Variants in MYO1A observed in about 807,000 individuals in gnomAD.
MYO1A encodes the protein myosin IA.
In MYO1A, 127 loss-of-function variants were observed where a neutral mutation model predicts 138.5. That is an observed-to-expected ratio of 0.92 (90% CI 0.79 to 1.06). The LOEUF is 1.06. Among genes scored for constraint, MYO1A ranks in the 50% least tolerant of loss-of-function variants. The pLI is 0.00. For synonymous variants in MYO1A, 477 were observed against 497.5 expected (o/e 0.96, Z 0.55); for missense variants, 1,211 against 1,288.8 (o/e 0.94, Z 0.92).
In MYO1A at chr12:57,041,257, T is replaced by TA. The variant is rs768149697; in HGVS notation, c.1195dup (p.Tyr399LeufsTer4). 7 of 1,614,022 alleles carry TA rather than the reference T, an allele frequency of 4.3e-6. No individual in the cohort carries two copies. The highest frequency in any genetic ancestry group is 1.3e-5 in the African/African-American group (1 of 74,928). On this transcript the variant is annotated frameshift_variant, in exon 14 of 28. Coordinates refer to ENST00000300119, the MANE Select transcript of MYO1A (RefSeq NM_005379.4). LOFTEE classifies it high-confidence loss of function. ...CACCTGCTGCAGCTTCTCATTGCAG[T>TA]AGTTGATCACAAATTGCTCAAAGCT...
intron 1 of MYO1A, among the ~76,000 whole-genome samples, chr12:57,048,563 A>G (rs1038890418): frequency 2.0e-5 from 3 of 152,120 alleles, no homozygotes; most frequent in Admixed American, 2.0e-4. Context: ...TGCCTGGGTT[A>G]CAGTTGGTGG....
At chr12:57,046,308 G>A (rs1413202622) in intron 8 of MYO1A, among the ~76,000 whole-genome samples, 1 of 152,138 alleles carries the variant, frequency 6.6e-6, no homozygotes, top group Non-Finnish European at 1.5e-5. Context: ...ACAGTGAAGA[G>A]GCAAGAAGGC....
At chr12:57,036,670 C>A in intron 21 of MYO1A, 102 bp downstream of exon 21, 2 of 1,389,910 alleles carry the variant, frequency 1.4e-6, no homozygotes, top group Admixed American at 1.7e-5. Flanking sequence ...CACAGAGGTG[C>A]GGCCTGGGTG....
chr12:57,028,894 C>G lies in MYO1A; in HGVS notation c.3006-13G>C, dbSNP rs961685802. 1.7e-5 allele frequency: 27 copies of G among 1,613,760 alleles called. No homozygotes were observed. Among genetic ancestry groups the G allele is most frequent in the Non-Finnish European group, 2.1e-5 (25 of 1,179,842 alleles). On this transcript the variant is annotated splice_polypyrimidine_tract_variant and intron_variant, in intron 27 of 27. Coordinates refer to ENST00000300119, the MANE Select transcript of MYO1A (RefSeq NM_005379.4). ...CCTCACTGAGAACCTGGAGAGGGAA[C>G]AGAAAACCAAGTCTAGTGCCCATCC...
At chr12:57,039,140 G>A (rs1592477088) in intron 15 of MYO1A, 72 bp downstream of exon 15, 2 of 1,570,510 alleles carry the variant, frequency 1.3e-6, no homozygotes, top group East Asian at 4.5e-5. Context: ...GGGAATCAGG[G>A]AGAGAGACAG....
chr12:57,030,363 A>C, intron 23 of MYO1A, 47 bp from the exon 24 acceptor site: 5 of 644,758 alleles, frequency 7.8e-6, no homozygotes, highest in Non-Finnish European at 1.1e-5. Context: ...GTGGGAGGGC[A>C]GGGCTGGGGA....
intron 5 of MYO1A, 94 bp from the exon 6 acceptor site, chr12:57,047,201 G>T: frequency 6.3e-7 from 1 of 1,583,320 alleles, no homozygotes; most frequent in South Asian, 1.1e-5. Flanking sequence ...TTTCTGGGTC[G>T]AACAAGAGAG....
At position 57,039,235 on chromosome 12, in the gene MYO1A, T is replaced by C. The variant is rs2030745836; in HGVS notation, c.1309A>G (p.Ile437Val). The C allele has an allele frequency of 6.2e-7, 1 of 1,613,998 alleles. No homozygotes were observed. Residue 437 changes from isoleucine to valine, a missense_variant, in exon 15 of 28, where the codon ATC (isoleucine) becomes GTC (valine). Ile to Val is a conservative substitution (Grantham distance 29, BLOSUM62 3). Transcript: ENST00000300119. Reference protein sequence around the residue: ...WTKVDYFDNGIICKLIEHNQR... With the variant: ...WTKVDYFDNGVICKLIEHNQR... ...ACATGCTCAATGAGCTTACAAATGA[T>C]GCCATTATCAAAGTAGTCCACCTTT...
intron 23 of MYO1A, among the ~76,000 whole-genome samples, chr12:57,030,624 A>G (rs2030232180): frequency 6.6e-6 from 1 of 152,186 alleles, no homozygotes; most frequent in African/African-American, 2.4e-5. Flanking sequence ...TAAAAGAACA[A>G]ATTACTTTAT....
rs2030644006 is a variant in MYO1A at position 57,037,921 on chromosome 12, T to C, written c.1909A>G (p.Arg637Gly). ...GTGCTCCGGCTCAGCAATCGGTACCTTTCCAGGAAGGGCCCATAACCCTGG... is the reference window on the plus strand; with the variant it reads ...GTGCTCCGGCTCAGCAATCGGTACCCTTCCAGGAAGGGCCCATAACCCTGG... ...HRQGYGPFLE[R>G]YRLLSRSTWP... The change falls in exon 18 of 28, where the codon AGG becomes GGG. Residue 637 changes from arginine (R) to glycine (G), a missense_variant. By Grantham distance (125) the Arg-to-Gly change is moderately radical (BLOSUM62 -2). Transcript: ENST00000300119. 12 of 1,614,142 alleles carry C rather than the reference T, an allele frequency of 7.4e-6. No homozygotes were observed. Among genetic ancestry groups the C allele is most frequent in the Middle Eastern group, 1.6e-4 (1 of 6,062 alleles).
intron 17 of MYO1A, 39 bp from the exon 18 acceptor site, chr12:57,038,108 GA>G: frequency 1.2e-6 from 2 of 1,602,476 alleles, no homozygotes; most frequent in Middle Eastern, 1.7e-4. Flanking sequence ...TTCAGGAGCT[GA>G]CATCATTGCC....
intron 16 of MYO1A, 33 bp from the exon 17 acceptor site, chr12:57,038,671 C>T (rs778204742): frequency 1.5e-5 from 24 of 1,612,102 alleles, no homozygotes; most frequent in Admixed American, 6.7e-5. Flanking sequence ...TTGGAGACCC[C>T]ACAACCTTGT....
intron 22 of MYO1A, among the ~76,000 whole-genome samples, chr12:57,034,293 G>A (rs756203449): frequency 1.3e-5 from 2 of 152,208 alleles, no homozygotes; most frequent in Non-Finnish European, 2.9e-5. Flanking sequence ...CAAAATGGGA[G>A]AAAGAAAAGA....
At chr12:57,049,804 G>A (rs755707257) in intron 1 of MYO1A, 83 bp downstream of exon 1, 1 of 152,258 alleles carries the variant, frequency 6.6e-6, no homozygotes, top group Non-Finnish European at 1.5e-5. Flanking sequence ...GTTGAGGGTG[G>A]GGAAGGGAAA....
intron 19 of MYO1A, 56 bp from the exon 20 acceptor site, chr12:57,037,147 C>T: frequency 6.2e-7 from 1 of 1,604,366 alleles, no homozygotes; most frequent in Non-Finnish European, 8.5e-7. Context: ...ACAGTGCTGT[C>T]CTCTCCTATA....
chr12:57,050,303 A>C (rs2031293451), upstream of MYO1A, among the ~76,000 whole-genome samples: 1 of 152,218 alleles, frequency 6.6e-6, no homozygotes, highest in Non-Finnish European at 1.5e-5. Context: ...TTCTTGCTCC[A>C]TTGTCTCCCA....
intron 7 of MYO1A, 94 bp downstream of exon 7, chr12:57,046,769 G>T: frequency 3.3e-6 from 5 of 1,526,124 alleles, no homozygotes; most frequent in Non-Finnish European, 4.5e-6. Context: ...TCTCCTTGAC[G>T]TCTAACATTC....
Position 57,038,407 on chromosome 12 carries a change from G to C in MYO1A, c.1760+5C>G, listed in dbSNP as rs2030678736. ...AGCATGTTCCCCTGCATGCCAGCATGTCACCTGATGTAGTTGGGGCTCTTG... is the reference window on the plus strand; with the variant it reads ...AGCATGTTCCCCTGCATGCCAGCATCTCACCTGATGTAGTTGGGGCTCTTG... On this transcript the variant is annotated splice_donor_5th_base_variant and intron_variant, in intron 17 of 27. Coordinates refer to ENST00000300119, the MANE Select transcript of MYO1A (RefSeq NM_005379.4). 12 of 1,613,864 alleles carry C rather than the reference G, an allele frequency of 7.4e-6. No homozygotes were observed. Among genetic ancestry groups the C allele is most frequent in the Non-Finnish European group, 1.0e-5 (12 of 1,179,762 alleles).
intron 22 of MYO1A, among the ~76,000 whole-genome samples, chr12:57,032,708 G>C (rs1262387161): frequency 6.6e-6 from 1 of 152,116 alleles, no homozygotes; most frequent in Non-Finnish European, 1.5e-5. Flanking sequence ...AGGGTGGCCA[G>C]AATCACTTGA....
Sources: gnomAD v4.1 joint callset for allele counts (sites outside exome capture counted in the v4.1 genomes callset) on GRCh38, gnomAD v4.1.1 for gene constraint, MANE v1.5 for transcripts, NCBI Gene and HGNC (gene_info 2026-07-23, HGNC 2026-07-21) for gene names.